ANKH: variants seen among roughly 807,000 people sequenced by gnomAD.
ANKH encodes the protein mineralization regulator ANKH.
ANKH carries 15 observed loss-of-function variants against 49.0 expected under a neutral mutation model. That is an observed-to-expected ratio of 0.31 (90% CI 0.20 to 0.47). The LOEUF is 0.47. Ranked by LOEUF, ANKH falls within the 20% of genes least tolerant of loss-of-function variation. ANKH has a pLI of 1.00. For missense variants in ANKH, 429 were observed against 652.0 expected, an observed-to-expected ratio of 0.66 and a Z score of 3.72; for synonymous variants, 273 against 260.0, an observed-to-expected ratio of 1.05 and a Z score of -0.48.
chr5:14,763,630 G>A (rs936080277), intron 2 of ANKH, among the ~76,000 whole-genome samples: 4 of 152,216 alleles, frequency 2.6e-5, no homozygotes, highest in African/African-American at 9.6e-5. Context: ...GCAAGTACAA[G>A]AATTCTATCT....
intron 8 of ANKH, among the ~76,000 whole-genome samples, chr5:14,731,688 G>C (rs146228084): frequency 6.6e-6 from 1 of 152,232 alleles, no homozygotes; most frequent in Admixed American, 6.5e-5. Flanking sequence ...TGGGAGCCTC[G>C]AGGTTGGAAA....
chr5:14,826,698 T>C (rs887545224), intron 1 of ANKH, among the ~76,000 whole-genome samples: 2 of 152,242 alleles, frequency 1.3e-5, no homozygotes, highest in African/African-American at 4.8e-5. Context: ...ACACTGGAAT[T>C]TGACTGTTGC....
intron 1 of ANKH, chr5:14,788,055 T>C (rs1160900572): frequency 6.6e-6 from 1 of 152,204 alleles, no homozygotes; most frequent in Non-Finnish European, 1.5e-5. Context: ...GATTACAGCA[T>C]GAAGGCATTG....
Position 14,843,741 on chromosome 5 carries a change from G to C in ANKH, c.96+27611C>G, listed in dbSNP as rs148308894. On this transcript the variant is annotated intron_variant, in intron 1 of 11. Transcript: ENST00000284268. ...ACAACCTTCCACTTACCTCCTCAGT[G>C]TGTGCTCGCTCTTGAGTTATTCTCT... 2.2e-3 allele frequency among the ~76,000 whole-genome samples: 332 copies of C among 152,180 alleles called. 6 individuals are homozygous for C. The highest frequency in any genetic ancestry group is 2.1e-3 in the East Asian group (11 of 5,178).
chr5:14,775,256 A>T (rs551536020), intron 1 of ANKH, among the ~76,000 whole-genome samples: 1 of 151,868 alleles, frequency 6.6e-6, no homozygotes, highest in Non-Finnish European at 1.5e-5. Flanking sequence ...TTTTGTAGAG[A>T]TGGGGTCTTG....
At chr5:14,726,242 A>T (rs1737819404) in intron 8 of ANKH, among the ~76,000 whole-genome samples, 1 of 152,230 alleles carries the variant, frequency 6.6e-6, no homozygotes, top group Admixed American at 6.5e-5. Context: ...GAGAGAGCTG[A>T]CGCAGCCATA....
intron 1 of ANKH, among the ~76,000 whole-genome samples, chr5:14,818,711 C>A (rs1478030673): frequency 4.0e-5 from 6 of 149,246 alleles, no homozygotes; most frequent in Admixed American, 2.0e-4. Flanking sequence ...TGTGTGCACA[C>A]TGGGCTTCCA....
In ANKH at chr5:14,745,204, C is replaced by T. The variant is rs923747432; in HGVS notation, c.915+666G>A. On this transcript the variant is annotated intron_variant, in intron 7 of 11. Transcript: ENST00000284268. This position sits in a 1 kb window ranked among gnomAD's most constrained non-coding sequence, Gnocchi z 4.7. The stretch of plus-strand genomic sequence containing the variant: ...TAGACTATTTTTGGAGTATGTTTCA[C>T]CAGCCATTTGTTTTAGAGTATTAAA... Among the ~76,000 whole-genome samples the T allele has an allele frequency of 2.7e-5, 4 of 149,136 alleles. No homozygotes were observed. Among genetic ancestry groups the T allele is most frequent in the African/African-American group, 1.0e-4 (4 of 39,306 alleles).
chr5:14,826,321 A>G (rs1181695773), intron 1 of ANKH, among the ~76,000 whole-genome samples: 2 of 152,220 alleles, frequency 1.3e-5, no homozygotes, highest in Non-Finnish European at 1.5e-5. Context: ...GTCTCCCAAA[A>G]AAGAAAACAG....
intron 8 of ANKH, among the ~76,000 whole-genome samples, chr5:14,726,889 C>T (rs1336777279): frequency 6.6e-6 from 1 of 152,226 alleles, no homozygotes; most frequent in African/African-American, 2.4e-5. Flanking sequence ...TTGGGATTGA[C>T]TGACCTGTCC....
At chr5:14,867,977 G>T (rs533513905) in intron 1 of ANKH, among the ~76,000 whole-genome samples, 3 of 152,262 alleles carry the variant, frequency 2.0e-5, no homozygotes, top group Admixed American at 2.0e-4. Context: ...GGTTTTGCTA[G>T]TTTTGTTAGA....
intron 8 of ANKH, among the ~76,000 whole-genome samples, chr5:14,717,249 C>G (rs138958281): frequency 2.6e-4 from 39 of 152,272 alleles, no homozygotes; most frequent in African/African-American, 9.1e-4. Context: ...CCTGAAAGTA[C>G]TTGGATGTGT....
At chr5:14,771,277 A>G (rs189565930) in intron 1 of ANKH, among the ~76,000 whole-genome samples, 1 of 152,352 alleles carries the variant, frequency 6.6e-6, no homozygotes, top group Admixed American at 6.5e-5. Flanking sequence ...GATACTATAG[A>G]CTGTAAGTGT....
chr5:14,807,849 T>TC (rs998502288), intron 1 of ANKH, among the ~76,000 whole-genome samples: 43 of 152,236 alleles, frequency 2.8e-4, no homozygotes, highest in African/African-American at 1.0e-3. Flanking sequence ...TGGTGAGAGG[T>TC]CGGGGGGGTT....
chr5:14,831,914 C>T (rs1741517740), intron 1 of ANKH, among the ~76,000 whole-genome samples: 1 of 152,140 alleles, frequency 6.6e-6, no homozygotes, highest in Non-Finnish European at 1.5e-5. Flanking sequence ...GATGAATGAA[C>T]TTTCAGGAAC....
intron 9 of ANKH, among the ~76,000 whole-genome samples, chr5:14,716,149 C>T (rs1022282250): frequency 4.6e-5 from 7 of 152,222 alleles, no homozygotes; most frequent in Non-Finnish European, 8.8e-5. Context: ...CAAAGCTCCA[C>T]ATGCTATCCT....
intron 1 of ANKH, among the ~76,000 whole-genome samples, chr5:14,793,902 C>T (rs1298814138): frequency 6.6e-6 from 1 of 152,216 alleles, no homozygotes; most frequent in Non-Finnish European, 1.5e-5. Flanking sequence ...AATGGGGCGA[C>T]CGCCCACTGG....
chr5:14,769,815 C>T (rs1387976137), intron 1 of ANKH, among the ~76,000 whole-genome samples: 2 of 152,160 alleles, frequency 1.3e-5, no homozygotes, highest in Non-Finnish European at 2.9e-5. Flanking sequence ...CTGAGCTCTA[C>T]ACAGACAAAT....
At chr5:14,776,961 C>T (rs537385078) in intron 1 of ANKH, among the ~76,000 whole-genome samples, 1 of 152,210 alleles carries the variant, frequency 6.6e-6, no homozygotes, top group South Asian at 2.1e-4. Context: ...ACAATGGGCA[C>T]TTAGCGATGT....
Sources: allele counts gnomAD v4.1 joint callset (sites outside exome capture counted in the v4.1 genomes callset), GRCh38; gene constraint gnomAD v4.1.1; non-coding constraint Gnocchi (gnomAD v3.1); transcripts MANE v1.5; gene names NCBI Gene and HGNC (gene_info 2026-07-23, HGNC 2026-07-21).